MAPK10: variants seen among roughly 807,000 people sequenced by gnomAD.
The protein encoded by MAPK10 is mitogen-activated protein kinase 10.
Under a neutral mutation model 59.3 loss-of-function variants are expected in MAPK10, and 25 were observed. The ratio of observed to expected loss-of-function variants is 0.42; its 90% CI spans 0.31 to 0.59. The LOEUF is 0.59. Ranked by LOEUF, MAPK10 falls within the 20% of genes least tolerant of loss-of-function variation. The probability of loss-of-function intolerance (pLI) is 0.15; values close to 1 mark genes in which losing one functional copy is unlikely to be tolerated. For synonymous variants in MAPK10, 190 were observed against 200.5 expected, an observed-to-expected ratio of 0.95 and a Z score of 0.44; for missense variants, 351 against 568.9, an observed-to-expected ratio of 0.62 and a Z score of 3.90.
At chr4:86,447,165 A>G (rs139535296) in intron 1 of MAPK10, among the ~76,000 whole-genome samples, 4,322 of 152,152 alleles carry the variant, frequency 0.028, 111 homozygotes, top group African/African-American at 0.067. Flanking sequence ...GGTGGGAGGT[A>G]ATTGGATCAT....
At chr4:86,441,035 C>T (rs1296519316) in intron 1 of MAPK10, among the ~76,000 whole-genome samples, 1 of 152,110 alleles carries the variant, frequency 6.6e-6, no homozygotes, top group Non-Finnish European at 1.5e-5. Flanking sequence ...TCAAGAAAAA[C>T]TTAAAATGTG....
At chr4:86,498,925 C>G (rs1174952701) in intron 1 of MAPK10, among the ~76,000 whole-genome samples, 1 of 152,162 alleles carries the variant, frequency 6.6e-6, no homozygotes, top group Non-Finnish European at 1.5e-5. Context: ...AGTACTGAAA[C>G]ATGCACTGTT....
chr4:86,178,311 G>A (rs1488158775), intron 3 of MAPK10, among the ~76,000 whole-genome samples: 8 of 151,952 alleles, frequency 5.3e-5, no homozygotes, highest in Non-Finnish European at 1.5e-5. Flanking sequence ...GTATTCAATA[G>A]GTAGTGAGGG....
chr4:86,170,128 G>C lies in MAPK10; in HGVS notation c.67-10661C>G, dbSNP rs571125866. On this transcript the variant is annotated intron_variant, in intron 3 of 13. Coordinates refer to ENST00000641462, the MANE Select transcript of MAPK10 (RefSeq NM_138982.4). ...ATCATGCCAAAATGTAAAGACCATCGAGACTAGGAAGAAACTGCATCAACT... is the reference window on the plus strand; with the variant it reads ...ATCATGCCAAAATGTAAAGACCATCCAGACTAGGAAGAAACTGCATCAACT... 1.7e-4 allele frequency among the ~76,000 whole-genome samples: 26 copies of C among 151,612 alleles called. No homozygotes were observed. The South Asian group carries it at 5.4e-3, about 32-fold the overall frequency.
chr4:86,070,334 C>T (rs2148999659), intron 9 of MAPK10, among the ~76,000 whole-genome samples: 1 of 150,948 alleles, frequency 6.6e-6, no homozygotes, highest in East Asian at 1.9e-4. Flanking sequence ...TAGTTGAGCA[C>T]ATGATTTTTC....
At chr4:86,079,205 T>A (rs1326995064) in intron 9 of MAPK10, among the ~76,000 whole-genome samples, 2 of 152,068 alleles carry the variant, frequency 1.3e-5, no homozygotes, top group Non-Finnish European at 2.9e-5. Flanking sequence ...AGCTGGCAAA[T>A]TAAGTAAAAG....
Position 86,306,688 on chromosome 4 carries a change from A to T in MAPK10, c.-7+47842T>A, listed in dbSNP as rs184512996. On this transcript the variant is annotated intron_variant, in intron 2 of 13. Transcript: ENST00000641462. ...CCTTCAATATAACAAAATGAAAAAT[A>T]AATTTCCTTAGAGGGAAAATCAAAG... Among the ~76,000 whole-genome samples, 4 of 152,356 alleles carry T rather than the reference A, an allele frequency of 2.6e-5. No homozygotes were observed. The East Asian group carries it at 7.7e-4, about 29-fold the overall frequency.
intron 4 of MAPK10, among the ~76,000 whole-genome samples, chr4:86,127,255 G>A (rs2060225511): frequency 6.7e-6 from 1 of 149,738 alleles, no homozygotes; most frequent in South Asian, 2.1e-4. Flanking sequence ...CCCCATAAGG[G>A]CAGGGACCAT....
At chr4:86,312,035 T>A (rs994925644) in intron 2 of MAPK10, among the ~76,000 whole-genome samples, 6 of 152,108 alleles carry the variant, frequency 3.9e-5, no homozygotes, top group African/African-American at 1.4e-4. Flanking sequence ...GAATTAACAA[T>A]GACAAAACTA....
chr4:86,278,188 C>G lies in MAPK10; in HGVS notation c.-7+76342G>C, dbSNP rs1230034181. Among the ~76,000 whole-genome samples the G allele has an allele frequency of 2.0e-5, 3 of 152,042 alleles. No individual in the cohort carries two copies. In the East Asian group the frequency reaches 5.8e-4, roughly 29 times the overall value. ...TTCACATAAAACCTAGGCTAATAGCCAAATTGGTCTGAAGTTCTTACTAAC... is the reference window on the plus strand; with the variant it reads ...TTCACATAAAACCTAGGCTAATAGCGAAATTGGTCTGAAGTTCTTACTAAC... On this transcript the variant is annotated intron_variant, in intron 2 of 13. Coordinates refer to ENST00000641462, the MANE Select transcript of MAPK10 (RefSeq NM_138982.4).
At chr4:86,076,043 G>C (rs554924404) in intron 9 of MAPK10, among the ~76,000 whole-genome samples, 1 of 152,074 alleles carries the variant, frequency 6.6e-6, no homozygotes, top group Non-Finnish European at 1.5e-5. Context: ...AGCAATCAGC[G>C]AGATTCCGTG....
rs11341561 is a variant in MAPK10, at chr4:86,501,114, G to GA, written c.-263+92795dup. Among the ~76,000 whole-genome samples the GA allele has an allele frequency of 2.8e-4, 25 of 87,868 alleles. 1 individual carries two copies. The highest frequency in any genetic ancestry group is 1.1e-3 in the South Asian group (2 of 1,784). The allele number at this position is 87,868 out of a possible 152,430, so 57.6% of individuals were successfully genotyped here. ...AATGATGTGAAACTCTCTACGATCT[G>GA]AAAAAAAAAAAAAAAAAAAAAAAAA... On this transcript the variant is annotated intron_variant, in intron 1 of 4. Coordinates refer to the MAPK10 transcript ENST00000502302.
chr4:86,361,705 T>A (rs927089879), upstream of MAPK10, among the ~76,000 whole-genome samples: 1 of 151,998 alleles, frequency 6.6e-6, no homozygotes, highest in African/African-American at 2.4e-5. Flanking sequence ...TTCAGACTTA[T>A]AAGAACAGGA....
intron 9 of MAPK10, among the ~76,000 whole-genome samples, chr4:86,092,642 T>G (rs1291783653): frequency 6.6e-6 from 1 of 151,704 alleles, no homozygotes; most frequent in African/African-American, 2.4e-5. Context: ...TATATATTGC[T>G]AATGAAGTTA....
intron 1 of MAPK10, among the ~76,000 whole-genome samples, chr4:86,536,081 C>G (rs1758223545): frequency 6.6e-6 from 1 of 152,126 alleles, no homozygotes; most frequent in Non-Finnish European, 1.5e-5. Flanking sequence ...ATGAGGTTTT[C>G]TACTCAATTG....
chr4:86,414,076 A>G lies in MAPK10; in HGVS notation c.-122+38954T>C, dbSNP rs190828931. ...AGCGACCCCGCATAATTTATTTTCA[A>G]ATAATCCCTTTTGCTTTTGTTTTGG... On this transcript the variant is annotated intron_variant, in intron 1 of 13. Transcript: ENST00000361569. 5.8e-4 allele frequency among the ~76,000 whole-genome samples: 82 copies of G among 140,190 alleles called. 1 individual carries two copies. The highest frequency in any genetic ancestry group is 1.9e-3 in the African/African-American group (76 of 40,740). The allele number at this position is 140,190 out of a possible 152,430, so 92.0% of individuals were successfully genotyped here.
At chr4:86,097,926 A>C (rs981485984) in intron 9 of MAPK10, among the ~76,000 whole-genome samples, 1 of 152,294 alleles carries the variant, frequency 6.6e-6, no homozygotes, top group Non-Finnish European at 1.5e-5. Context: ...CACATCTCCA[A>C]GTCAGGTGAG....
intron 2 of MAPK10, among the ~76,000 whole-genome samples, chr4:86,225,724 G>A (rs982529694): frequency 1.3e-5 from 2 of 152,084 alleles, no homozygotes; most frequent in Non-Finnish European, 2.9e-5. Context: ...ATGCTCAATA[G>A]GTACTAATAA....
At chr4:86,547,423 G>T (rs1212555284) in intron 1 of MAPK10, among the ~76,000 whole-genome samples, 4 of 152,258 alleles carry the variant, frequency 2.6e-5, no homozygotes, top group Non-Finnish European at 4.4e-5. Flanking sequence ...CCGGGGCAGT[G>T]AGGGGTTTAG....
Sources: gnomAD v4.1 joint callset for allele counts (sites outside exome capture counted in the v4.1 genomes callset) on GRCh38, gnomAD v4.1.1 for gene constraint, MANE v1.5 for transcripts, NCBI Gene and HGNC (gene_info 2026-07-23, HGNC 2026-07-21) for gene names.